NCKAP5: variants seen among roughly 807,000 people sequenced by gnomAD.
NCKAP5 encodes NCK associated protein 5.
Under a neutral mutation model 167.0 loss-of-function variants are expected in NCKAP5, and 92 were observed. The observed-to-expected ratio is 0.55, with a 90% CI of 0.47 to 0.66. The LOEUF (loss-of-function observed/expected upper bound fraction) is 0.66, where lower values mean the gene tolerates loss of function less well. NCKAP5 is among the 30% of genes least tolerant of loss of function. The pLI is 0.00. For synonymous variants in NCKAP5, 891 were observed against 877.4 expected (o/e 1.02, Z -0.27); for missense variants, 2,378 against 2,315.0 (o/e 1.03, Z -0.56).
At chr2:133,574,374 C>T in the NCKAP5 span, among the ~76,000 whole-genome samples, 3,230 of 152,242 alleles carry the variant, frequency 0.021, 113 homozygotes, top group African/African-American at 0.073. Flanking sequence ...GGCAGGGATG[C>T]TCTGCTTTTC....
intron 4 of NCKAP5, among the ~76,000 whole-genome samples, chr2:133,285,264 C>T (rs760745288): frequency 3.3e-5 from 5 of 152,186 alleles, no homozygotes; most frequent in Non-Finnish European, 4.4e-5. Context: ...GAAAAATAAT[C>T]TATACAGTAT....
At chr2:133,034,904 G>A (rs749585435) in intron 6 of NCKAP5, among the ~76,000 whole-genome samples, 7 of 151,874 alleles carry the variant, frequency 4.6e-5, no homozygotes, top group Non-Finnish European at 1.0e-4. Flanking sequence ...GGCAGGCAAA[G>A]TCCTTACTTG....
At chr2:132,994,300 CGAGTTGTAGAAATCACTCT>C in intron 6 of NCKAP5, 61 bp from the exon 7 acceptor site, 1 of 1,229,784 alleles carries the variant, frequency 8.1e-7, no homozygotes, top group Non-Finnish European at 1.1e-6. Context: ...CGGATCCACT[CGAGTTGTAGAAATCACTCT>C]TCTATGCGTA....
chr2:133,052,957 A>C (rs112179396), intron 6 of NCKAP5, among the ~76,000 whole-genome samples: 1,875 of 152,054 alleles, frequency 0.012, 35 homozygotes, highest in African/African-American at 0.043. Context: ...AAAACAAAAT[A>C]AAAAAATACT....
chr2:133,354,541 C>T (rs116048425), intron 3 of NCKAP5, among the ~76,000 whole-genome samples: 2,339 of 152,302 alleles, frequency 0.015, 37 homozygotes, highest in Non-Finnish European at 0.023. Context: ...GTTGGTCTGA[C>T]ACATCACCCA....
At chr2:133,163,529 A>G (rs2083883296) in intron 5 of NCKAP5, among the ~76,000 whole-genome samples, 1 of 152,224 alleles carries the variant, frequency 6.6e-6, no homozygotes, top group African/African-American at 2.4e-5. Context: ...CCAAGTCAGG[A>G]CAGCTTTATA....
At chr2:132,964,763 TG>T in intron 7 of NCKAP5, among the ~76,000 whole-genome samples, 1 of 152,204 alleles carries the variant, frequency 6.6e-6, no homozygotes, top group South Asian at 2.1e-4. Flanking sequence ...GGATTATCAG[TG>T]GTAAAAGACT....
At chr2:132,981,577 G>A (rs1184516885) in intron 7 of NCKAP5, among the ~76,000 whole-genome samples, 2 of 152,114 alleles carry the variant, frequency 1.3e-5, no homozygotes, top group African/African-American at 4.8e-5. Context: ...GTTCACCCAG[G>A]GAACCATTAG....
At chr2:132,679,471 C>T (rs899565226) in intron 19 of NCKAP5, among the ~76,000 whole-genome samples, 4 of 152,130 alleles carry the variant, frequency 2.6e-5, no homozygotes, top group African/African-American at 9.7e-5. Flanking sequence ...TCCAAGGTGT[C>T]CCCTACTACC....
chr2:133,630,202 C>A, the NCKAP5 span, among the ~76,000 whole-genome samples: 1 of 152,082 alleles, frequency 6.6e-6, no homozygotes. Context: ...AGCCAGTCAT[C>A]AAAAACCACA....
At chr2:132,892,347 A>C (rs981047446) in intron 8 of NCKAP5, among the ~76,000 whole-genome samples, 2 of 152,190 alleles carry the variant, frequency 1.3e-5, no homozygotes, top group Non-Finnish European at 2.9e-5. Flanking sequence ...CGTATTTTCC[A>C]ATTATGAGAG....
intron 4 of NCKAP5, among the ~76,000 whole-genome samples, chr2:133,278,259 G>T (rs1294570973): frequency 6.6e-6 from 1 of 152,160 alleles, no homozygotes; most frequent in East Asian, 1.9e-4. Context: ...TAGATTAGAA[G>T]CCCCACAGGC....
At chr2:133,631,261 A>G in the NCKAP5 span, among the ~76,000 whole-genome samples, 1 of 152,194 alleles carries the variant, frequency 6.6e-6, no homozygotes, top group Non-Finnish European at 1.5e-5. Context: ...ACTGTTTTAA[A>G]ATTTGCACAC....
chr2:133,573,097 C>T (rs1003912952), upstream of NCKAP5, among the ~76,000 whole-genome samples: 1 of 152,080 alleles, frequency 6.6e-6, no homozygotes, highest in Admixed American at 6.5e-5. Context: ...AAAACAGGTG[C>T]CACATTGAGG....
chr2:132,917,362 A>T (rs1450075830), intron 8 of NCKAP5, among the ~76,000 whole-genome samples: 2 of 152,212 alleles, frequency 1.3e-5, no homozygotes, highest in Non-Finnish European at 2.9e-5. Context: ...GCTCATCATA[A>T]TTTACACTGT....
At chr2:132,790,988 T>C (rs1378088817) in intron 12 of NCKAP5, among the ~76,000 whole-genome samples, 2 of 152,222 alleles carry the variant, frequency 1.3e-5, no homozygotes, top group African/African-American at 2.4e-5. Context: ...GTCACATCTT[T>C]GACTACAGGC....
At chr2:132,714,909 AG>A in intron 19 of NCKAP5, 2 of 456,320 alleles carry the variant, frequency 4.4e-6, no homozygotes, top group South Asian at 3.1e-5. Context: ...ACCCAGCCAA[AG>A]GGCTCATGGC....
chr2:133,242,103 G>A (rs1354356447), intron 4 of NCKAP5, among the ~76,000 whole-genome samples: 1 of 120,288 alleles, frequency 8.3e-6, no homozygotes, highest in Non-Finnish European at 1.6e-5. Context: ...TGGGCAACAA[G>A]AGCGAAACTC....
chr2:133,507,682 T>C (rs1335498938), intron 3 of NCKAP5, among the ~76,000 whole-genome samples: 1 of 152,202 alleles, frequency 6.6e-6, no homozygotes, highest in East Asian at 1.9e-4. Flanking sequence ...TGGTGTTAAC[T>C]GAAGCGTTTG....
Sources: allele counts gnomAD v4.1 joint callset (sites outside exome capture counted in the v4.1 genomes callset), GRCh38; gene constraint gnomAD v4.1.1; transcripts MANE v1.5; gene names NCBI Gene and HGNC (gene_info 2026-07-23, HGNC 2026-07-21).